SULF2: variants seen among roughly 807,000 people sequenced by gnomAD.
SULF2 encodes sulfatase 2, also known as extracellular sulfatase Sulf-2.
In SULF2, 52 loss-of-function variants were observed where a neutral mutation model predicts 107.7. The observed-to-expected ratio is 0.48, with a 90% CI of 0.39 to 0.61. SULF2 has a LOEUF of 0.61. Among genes scored for constraint, SULF2 ranks in the 20% least tolerant of loss-of-function variants. SULF2 has a pLI of 0.00. For synonymous variants in SULF2, 460 were observed against 464.3 expected (o/e 0.99, Z 0.12); for missense variants, 993 against 1,177.3 (o/e 0.84, Z 2.29).
intron 2 of SULF2, among the ~76,000 whole-genome samples, chr20:47,745,382 GAAAAAAAAAAAA>G (rs1158560282): frequency 0.012 from 598 of 51,834 alleles, 25 homozygotes; most frequent in African/African-American, 0.023. Context: ...AGTTTTGAGG[GAAAAAAAAAAAA>G]AAAAAAAAAA....
At chr20:47,782,719 T>C (rs146875017) in intron 1 of SULF2, among the ~76,000 whole-genome samples, 1 of 152,112 alleles carries the variant, frequency 6.6e-6, no homozygotes, top group African/African-American at 2.4e-5. Context: ...GCATTTTGAC[T>C]GGGGGAGGGG....
chr20:47,696,019 C>T (rs1018204928), intron 4 of SULF2, among the ~76,000 whole-genome samples: 1 of 152,184 alleles, frequency 6.6e-6, no homozygotes, highest in Non-Finnish European at 1.5e-5. Context: ...AAAAACCATT[C>T]TTAGCTCAGG....
intron 1 of SULF2, among the ~76,000 whole-genome samples, chr20:47,776,433 C>T (rs780863607): frequency 2.4e-4 from 36 of 152,300 alleles, no homozygotes; most frequent in Non-Finnish European, 4.6e-4. Flanking sequence ...AGTTATTCCA[C>T]ATTCACAGGA....
intron 11 of SULF2, among the ~76,000 whole-genome samples, chr20:47,671,123 C>T (rs1184413624): frequency 1.3e-5 from 2 of 152,092 alleles, no homozygotes; most frequent in Admixed American, 6.5e-5. Flanking sequence ...CCCAGGGTGG[C>T]GGCTGAGCCT....
At chr20:47,702,391 TA>T in intron 4 of SULF2, 127 bp downstream of exon 4, 1 of 1,090,400 alleles carries the variant, frequency 9.2e-7, no homozygotes. Flanking sequence ...GAGGTGTATG[TA>T]AAATGCTCAA....
chr20:47,696,976 C>A (rs1431616692), intron 4 of SULF2, among the ~76,000 whole-genome samples: 1 of 152,188 alleles, frequency 6.6e-6, no homozygotes, highest in Admixed American at 6.5e-5. Flanking sequence ...ATGACTGAGG[C>A]TTCTCCAGAT....
intron 4 of SULF2, among the ~76,000 whole-genome samples, chr20:47,697,551 G>A (rs1047115285): frequency 6.6e-6 from 1 of 152,186 alleles, no homozygotes; most frequent in Non-Finnish European, 1.5e-5. Context: ...TTGGGCTCCT[G>A]CTGCCCACTG....
At chr20:47,671,701 A>T (rs1278950690) in intron 11 of SULF2, among the ~76,000 whole-genome samples, 1 of 152,026 alleles carries the variant, frequency 6.6e-6, no homozygotes, top group Non-Finnish European at 1.5e-5. Flanking sequence ...CAATCAATAC[A>T]GAACCTTGTA....
chr20:47,681,210 T>C (rs1422451200), intron 7 of SULF2, among the ~76,000 whole-genome samples: 1 of 152,196 alleles, frequency 6.6e-6, no homozygotes, highest in Non-Finnish European at 1.5e-5. Context: ...GATCCAGCCA[T>C]GCCTGAGGCT....
At chr20:47,753,316 A>G (rs1303788851) in intron 2 of SULF2, among the ~76,000 whole-genome samples, 1 of 152,184 alleles carries the variant, frequency 6.6e-6, no homozygotes, top group Non-Finnish European at 1.5e-5. Context: ...TACAAGAGCC[A>G]CCACCAAGTG....
rs551612019 is a variant in SULF2, at chr20:47,718,096, C to T, written c.416-15426G>A. ...CCTCCCAAAGTGCTAGGATTACAGG[C>T]GTGAGCCACCTGGCCTGGCCTCAGA... On this transcript the variant is annotated intron_variant, in intron 3 of 20. Coordinates refer to ENST00000688720, the MANE Select transcript of SULF2 (RefSeq NM_001387048.1). 5.2e-4 allele frequency among the ~76,000 whole-genome samples: 79 copies of T among 152,262 alleles called. 3 individuals carry two copies. In the South Asian group the frequency reaches 0.016, roughly 32 times the overall value.
intron 3 of SULF2, among the ~76,000 whole-genome samples, chr20:47,728,847 T>C (rs1233091918): frequency 2.0e-5 from 3 of 152,180 alleles, no homozygotes; most frequent in African/African-American, 7.2e-5. Context: ...GGTTTCACCA[T>C]GTTGGCTAGG....
intron 5 of SULF2, chr20:47,689,575 T>C (rs1199800392): frequency 6.6e-6 from 1 of 152,254 alleles, no homozygotes; most frequent in Non-Finnish European, 1.5e-5. Context: ...CACTCCCAGA[T>C]TCCTGACTCA....
chr20:47,665,581 T>G (rs2087236396), intron 13 of SULF2, among the ~76,000 whole-genome samples: 1 of 152,182 alleles, frequency 6.6e-6, no homozygotes, highest in Non-Finnish European at 1.5e-5. Context: ...GTGTCTCCCC[T>G]GGGTTTGATG....
At chr20:47,681,375 T>C (rs768462942) in intron 7 of SULF2, among the ~76,000 whole-genome samples, 1 of 152,168 alleles carries the variant, frequency 6.6e-6, no homozygotes, top group South Asian at 2.1e-4. Context: ...ATGAGCACTC[T>C]CTTTTTCTTG....
At chr20:47,778,090 G>A (rs1432699148) in intron 1 of SULF2, among the ~76,000 whole-genome samples, 3 of 152,160 alleles carry the variant, frequency 2.0e-5, no homozygotes, top group Non-Finnish European at 4.4e-5. Flanking sequence ...GTAGTGAACT[G>A]AGACTGTGCC....
At chr20:47,723,871 G>T (rs566598215) in intron 3 of SULF2, among the ~76,000 whole-genome samples, 1 of 152,152 alleles carries the variant, frequency 6.6e-6, no homozygotes, top group Non-Finnish European at 1.5e-5. Flanking sequence ...AATGAAATGC[G>T]CTTGAATCAT....
chr20:47,660,548 ACT>A (rs2087031883), intron 18 of SULF2, among the ~76,000 whole-genome samples: 1 of 150,404 alleles, frequency 6.6e-6, no homozygotes, highest in Admixed American at 6.6e-5. Flanking sequence ...TTTTTAGGCC[ACT>A]CTCTCTCACT....
chr20:47,775,719 C>A (rs2090712721), intron 1 of SULF2, among the ~76,000 whole-genome samples: 3 of 152,210 alleles, frequency 2.0e-5, no homozygotes, highest in Non-Finnish European at 2.9e-5. Context: ...AGCTTCAGGA[C>A]CTCCTGTTCT....
Sources: allele counts gnomAD v4.1 joint callset (sites outside exome capture counted in the v4.1 genomes callset), GRCh38; gene constraint gnomAD v4.1.1; transcripts MANE v1.5; gene names NCBI Gene and HGNC (gene_info 2026-07-23, HGNC 2026-07-21).